The following NR5A2 variants were observed in gnomAD, a reference collection of about 807,000 sequenced individuals.
NR5A2 encodes the protein CYP7A promoter-binding factor.
A neutral mutation model predicts 62.7 loss-of-function variants in NR5A2; 26 were observed. The ratio of observed to expected loss-of-function variants is 0.41; its 90% CI spans 0.30 to 0.58. NR5A2 has a LOEUF of 0.58. Ranked by LOEUF, NR5A2 falls within the 20% of genes least tolerant of loss-of-function variation. NR5A2 has a pLI of 0.22. For synonymous variants in NR5A2, 246 were observed against 241.7 expected (o/e 1.02, Z -0.16); for missense variants, 541 against 669.1 (o/e 0.81, Z 2.11).
At chr1:200,076,235 A>C (rs1267719235) in intron 5 of NR5A2, among the ~76,000 whole-genome samples, 1 of 152,188 alleles carries the variant, frequency 6.6e-6, no homozygotes, top group African/African-American at 2.4e-5. Context: ...CCAATAATAA[A>C]ACCTCAACGT....
chr1:200,032,623 T>C (rs1661588277), intron 1 of NR5A2, among the ~76,000 whole-genome samples: 1 of 152,142 alleles, frequency 6.6e-6, no homozygotes, highest in Non-Finnish European at 1.5e-5. Context: ...CCTTACAGAA[T>C]GATGAGTTTG....
intron 7 of NR5A2, among the ~76,000 whole-genome samples, chr1:200,163,899 C>T (rs1653772242): frequency 6.6e-6 from 1 of 152,112 alleles, no homozygotes; most frequent in Non-Finnish European, 1.5e-5. Context: ...GGATCCTTGT[C>T]CCTGCCCAAA....
chr1:200,138,114 A>C (rs1019334172), intron 7 of NR5A2, among the ~76,000 whole-genome samples: 7 of 152,180 alleles, frequency 4.6e-5, no homozygotes, highest in Non-Finnish European at 8.8e-5. Context: ...TGTACCCCAC[A>C]GTTTATTGAT....
intron 5 of NR5A2, among the ~76,000 whole-genome samples, chr1:200,073,917 C>T (rs1663876596): frequency 1.3e-5 from 2 of 152,146 alleles, no homozygotes; most frequent in African/African-American, 4.8e-5. Flanking sequence ...GGGTGTATAA[C>T]AGAGACGATA....
intron 7 of NR5A2, among the ~76,000 whole-genome samples, chr1:200,170,800 G>A (rs1337752590): frequency 6.6e-6 from 1 of 152,140 alleles, no homozygotes; most frequent in Non-Finnish European, 1.5e-5. Flanking sequence ...GAATAGAAAA[G>A]ACTATTACAT....
At chr1:200,088,415 G>A (rs1025040573) in intron 5 of NR5A2, among the ~76,000 whole-genome samples, 49 of 152,000 alleles carry the variant, frequency 3.2e-4, no homozygotes, top group African/African-American at 8.9e-4. Flanking sequence ...GTGCCACCAC[G>A]CCCAGTTAAT....
Position 200,147,787 on chromosome 1 carries a change from C to A in NR5A2, c.1379-26176C>A, listed in dbSNP as rs996219906. 2.2e-6 allele frequency: 1 copy of A among 445,418 alleles called. No individual in the cohort carries two copies. The allele number at this position is 445,418 out of a possible 1,614,324, so 27.6% of individuals were successfully genotyped here. ...GCGAATGCCGGCACGGATGCCGGCA[C>A]GGTGGGCAGCCGCCGTGGCGTCCAG... is the stretch of plus-strand genomic sequence containing the variant. On this transcript the variant is annotated intron_variant, in intron 7 of 7. Transcript: ENST00000367362. This position sits in a 1 kb window ranked among gnomAD's most constrained non-coding sequence, Gnocchi z 4.9.
intron 5 of NR5A2, among the ~76,000 whole-genome samples, chr1:200,060,039 A>G (rs1026191671): frequency 1.3e-5 from 2 of 152,130 alleles, no homozygotes; most frequent in Non-Finnish European, 1.5e-5. Context: ...CTCTCCATAC[A>G]GTAGGCTAAC....
intron 7 of NR5A2, among the ~76,000 whole-genome samples, chr1:200,130,970 T>C (rs569615728): frequency 1.3e-5 from 2 of 152,328 alleles, no homozygotes; most frequent in Admixed American, 1.3e-4. Context: ...ATATTCTAAT[T>C]TAGAAAAACA....
At chr1:200,075,821 T>C (rs1470671407) in intron 5 of NR5A2, among the ~76,000 whole-genome samples, 1 of 152,166 alleles carries the variant, frequency 6.6e-6, no homozygotes, top group Non-Finnish European at 1.5e-5. Flanking sequence ...CGCCAGGCTT[T>C]CAGAAAATGT....
chr1:200,111,074 C>CCATGGGTGGA (rs1665917933), intron 5 of NR5A2, 128 bp from the exon 6 acceptor site: 9 of 1,039,824 alleles, frequency 8.7e-6, no homozygotes, highest in African/African-American at 1.6e-5. Context: ...GCTTCAGTGA[C>CCATGGGTGGA]CATGGGTGGA....
At chr1:200,046,322 G>T (rs990667163) in intron 4 of NR5A2, among the ~76,000 whole-genome samples, 3 of 152,182 alleles carry the variant, frequency 2.0e-5, no homozygotes, top group African/African-American at 7.2e-5. Flanking sequence ...GTTAATATGT[G>T]ACTGCTGTAA....
chr1:200,107,022 C>T (rs1442455625), intron 5 of NR5A2, among the ~76,000 whole-genome samples: 2 of 152,110 alleles, frequency 1.3e-5, no homozygotes, highest in Non-Finnish European at 1.5e-5. Flanking sequence ...ATCAATTGCT[C>T]GAGTGGCGGG....
intron 5 of NR5A2, among the ~76,000 whole-genome samples, chr1:200,090,914 C>T (rs1664787593): frequency 6.6e-6 from 1 of 152,176 alleles, no homozygotes; most frequent in African/African-American, 2.4e-5. Flanking sequence ...ATGGAAATTC[C>T]AAGAACTTCA....
chr1:200,041,364 T>C (rs115107548), intron 2 of NR5A2, among the ~76,000 whole-genome samples: 2,498 of 152,154 alleles, frequency 0.016, 68 homozygotes, highest in African/African-American at 0.056. Flanking sequence ...CGCCACTCAC[T>C]CAGCCCATGG....
chr1:200,038,164 G>T (rs146471407), intron 1 of NR5A2, among the ~76,000 whole-genome samples: 1 of 152,202 alleles, frequency 6.6e-6, no homozygotes, highest in South Asian at 2.1e-4. Flanking sequence ...AAGAGCTTGC[G>T]TAACAGATGG....
At chr1:200,034,453 G>A (rs920790683) in intron 1 of NR5A2, among the ~76,000 whole-genome samples, 10 of 152,128 alleles carry the variant, frequency 6.6e-5, no homozygotes, top group Non-Finnish European at 1.2e-4. Context: ...CAGGACCCCT[G>A]GGTTGGGACA....
chr1:200,153,793 T>C (rs1419398320), intron 7 of NR5A2, among the ~76,000 whole-genome samples: 1 of 151,476 alleles, frequency 6.6e-6, no homozygotes, highest in African/African-American at 2.4e-5. Flanking sequence ...GGAGGAAAGG[T>C]ATGGAGGGGG....
At chr1:200,119,634 C>CT (rs550490739) in intron 6 of NR5A2, among the ~76,000 whole-genome samples, 2,543 of 149,962 alleles carry the variant, frequency 0.017, 29 homozygotes, top group Non-Finnish European at 0.024. Context: ...CCTAGCAACA[C>CT]TTTTTTTTTT....
Sources: allele counts gnomAD v4.1 joint callset (sites outside exome capture counted in the v4.1 genomes callset), GRCh38; gene constraint gnomAD v4.1.1; non-coding constraint Gnocchi (gnomAD v3.1); transcripts MANE v1.5; gene names NCBI Gene and HGNC (gene_info 2026-07-23, HGNC 2026-07-21).